NTRK2: variants seen among roughly 807,000 people sequenced by gnomAD.
NTRK2 encodes the protein neurotrophic receptor tyrosine kinase 2.
NTRK2 carries 13 observed loss-of-function variants against 94.5 expected under a neutral mutation model. The observed-to-expected ratio is 0.14, with a 90% CI of 0.09 to 0.22. NTRK2 has a LOEUF of 0.22. Among genes scored for constraint, NTRK2 ranks in the 10% least tolerant of loss-of-function variants. NTRK2 has a pLI of 1.00. For missense variants in NTRK2, 639 were observed against 1,071.2 expected, an observed-to-expected ratio of 0.60 and a Z score of 5.63; for synonymous variants, 372 against 407.4, an observed-to-expected ratio of 0.91 and a Z score of 1.05.
chr9:84,832,527 T>A lies in NTRK2; in HGVS notation c.1397-28513T>A, dbSNP rs1348830812. Among the ~76,000 whole-genome samples the A allele has an allele frequency of 2.0e-5, 3 of 152,130 alleles. No individual in the cohort carries two copies. The East Asian group carries it at 5.8e-4, about 29-fold the overall frequency. ...GCAGAGACGGAGGTGAGGAGCAACC[T>A]GGTGGAAGTGTCAGGGCGAGGGAGG... is the stretch of plus-strand genomic sequence containing the variant. On this transcript the variant is annotated intron_variant, in intron 12 of 18. Coordinates refer to ENST00000277120, the MANE Select transcript of NTRK2 (RefSeq NM_006180.6).
At position 85,024,621 on chromosome 9, in the gene NTRK2, T is replaced by C. The variant is rs1032461771; in HGVS notation, c.*3184T>C. 7 of 232,846 alleles carry C rather than the reference T, an allele frequency of 3.0e-5. No individual in the cohort carries two copies. The highest frequency in any genetic ancestry group is 4.4e-5 in the African/African-American group (2 of 45,330). 14.4% of individuals were successfully genotyped at this position (232,846 alleles called of 1,614,324 possible). On this transcript the variant is annotated 3_prime_UTR_variant, in exon 19 of 19. Coordinates refer to ENST00000277120, the MANE Select transcript of NTRK2 (RefSeq NM_006180.6). ...GTTCTGTCCACTAGAGACTCTAATA[T>C]GCAAACAAGCAGTTCAGGAAAGAAA...
chr9:84,970,432 C>A (rs539479556), intron 17 of NTRK2, among the ~76,000 whole-genome samples: 3 of 151,774 alleles, frequency 2.0e-5, no homozygotes, highest in Non-Finnish European at 4.4e-5. Flanking sequence ...AATAATAATA[C>A]CTTCTTAAAG....
intron 12 of NTRK2, among the ~76,000 whole-genome samples, chr9:84,759,120 C>T (rs776688835): frequency 6.6e-6 from 1 of 152,160 alleles, no homozygotes; most frequent in Non-Finnish European, 1.5e-5. Flanking sequence ...TTGAAAGAGT[C>T]ATTGAGTAAG....
intron 14 of NTRK2, among the ~76,000 whole-genome samples, chr9:84,889,848 G>A (rs887244221): frequency 1.9e-4 from 29 of 152,110 alleles, no homozygotes; most frequent in African/African-American, 5.3e-4. Context: ...TACCAGTATC[G>A]AGACAGTTGC....
At chr9:84,771,044 A>G (rs905213446) in intron 12 of NTRK2, among the ~76,000 whole-genome samples, 14 of 152,254 alleles carry the variant, frequency 9.2e-5, no homozygotes, top group African/African-American at 3.4e-4. Context: ...ACATTAGAAA[A>G]TGCCAGACTT....
intron 14 of NTRK2, among the ~76,000 whole-genome samples, chr9:84,917,175 A>C (rs2077419147): frequency 6.6e-6 from 1 of 152,236 alleles, no homozygotes; most frequent in African/African-American, 2.4e-5. Flanking sequence ...CAATGGTGTC[A>C]GGTGAGACAA....
Position 84,942,346 on chromosome 9 carries a change from C to T in NTRK2, c.1765-6116C>T, listed in dbSNP as rs554235163. 2.6e-5 allele frequency among the ~76,000 whole-genome samples: 4 copies of T among 152,292 alleles called. No homozygotes were observed. In the South Asian group the frequency reaches 6.2e-4, roughly 24 times the overall value. On this transcript the variant is annotated intron_variant, in intron 15 of 18. Coordinates refer to ENST00000277120, the MANE Select transcript of NTRK2 (RefSeq NM_006180.6). ...TACCTATTTTTAGAAAAGATTCTGT[C>T]GTTAGAAGTTCATGCAGCATGCAGC... is the stretch of plus-strand genomic sequence containing the variant.
At chr9:84,829,143 C>T (rs11140773) in intron 12 of NTRK2, among the ~76,000 whole-genome samples, 25,940 of 151,872 alleles carry the variant, frequency 0.17, 2,523 homozygotes, top group Non-Finnish European at 0.22. Flanking sequence ...GGATTACAGG[C>T]GGGTGCCACC....
At chr9:84,874,889 A>T in intron 14 of NTRK2, 1 of 1,057,142 alleles carries the variant, frequency 9.5e-7, no homozygotes, top group Non-Finnish European at 1.1e-6. Flanking sequence ...GGTCAATCCC[A>T]GTTGGTATAG....
intron 2 of NTRK2, among the ~76,000 whole-genome samples, chr9:84,678,062 A>G (rs944240063): frequency 6.6e-6 from 1 of 152,176 alleles, no homozygotes; most frequent in Non-Finnish European, 1.5e-5. Context: ...GACACACACC[A>G]TAATGTTGTA....
chr9:85,001,342 G>T (rs1948308), intron 17 of NTRK2, among the ~76,000 whole-genome samples: 1 of 151,950 alleles, frequency 6.6e-6, no homozygotes, highest in Admixed American at 6.5e-5. Context: ...TTTCCACAGT[G>T]CCCACTTATT....
chr9:84,728,450 A>G (rs2062616795), intron 9 of NTRK2, among the ~76,000 whole-genome samples: 1 of 152,202 alleles, frequency 6.6e-6, no homozygotes, highest in Non-Finnish European at 1.5e-5. Flanking sequence ...AAGGGTTATT[A>G]TTATTATTTC....
intron 2 of NTRK2, among the ~76,000 whole-genome samples, chr9:84,700,277 T>C (rs1011835900): frequency 6.6e-6 from 1 of 152,258 alleles, no homozygotes; most frequent in African/African-American, 2.4e-5. Flanking sequence ...GTGGTCTCTA[T>C]TGAAAATGTT....
At chr9:84,942,126 G>C (rs767908788) in intron 15 of NTRK2, among the ~76,000 whole-genome samples, 1 of 152,184 alleles carries the variant, frequency 6.6e-6, no homozygotes, top group Non-Finnish European at 1.5e-5. Flanking sequence ...AGCACAATCT[G>C]AGTGTTTGTG....
intron 14 of NTRK2, among the ~76,000 whole-genome samples, chr9:84,913,003 A>G (rs1251365959): frequency 1.3e-5 from 2 of 152,066 alleles, no homozygotes; most frequent in Admixed American, 6.6e-5. Context: ...ATCAATTTCT[A>G]TCTTTTAATT....
intron 9 of NTRK2, among the ~76,000 whole-genome samples, chr9:84,735,405 T>C (rs1306261022): frequency 6.6e-6 from 1 of 152,212 alleles, no homozygotes; most frequent in Non-Finnish European, 1.5e-5. Flanking sequence ...TCCCCGATGA[T>C]GCCAGTACTG....
intron 8 of NTRK2, among the ~76,000 whole-genome samples, chr9:84,725,563 G>T (rs963521088): frequency 6.6e-6 from 1 of 151,424 alleles, no homozygotes; most frequent in Admixed American, 6.6e-5. Context: ...GTAGTGGTTG[G>T]TTCATAGCAC....
At position 84,945,867 on chromosome 9, in the gene NTRK2, A is replaced by G. The variant is rs142575125; in HGVS notation, c.1765-2595A>G. ...GGTGCTTATAAAGACACTTCTCAGA[A>G]AACCACAGAGTAAAGTGAAAATAGT... On this transcript the variant is annotated intron_variant, in intron 15 of 18. Transcript: ENST00000277120. Among the ~76,000 whole-genome samples the G allele has an allele frequency of 1.6e-3, 250 of 152,314 alleles. 2 individuals carry two copies. In the South Asian group the frequency reaches 0.019, roughly 12 times the overall value.
At chr9:84,769,741 A>G (rs2066354024) in intron 12 of NTRK2, among the ~76,000 whole-genome samples, 1 of 152,236 alleles carries the variant, frequency 6.6e-6, no homozygotes, top group Non-Finnish European at 1.5e-5. Flanking sequence ...TCTTCAGCAG[A>G]AAACCACAAC....
Sources: allele counts gnomAD v4.1 joint callset (sites outside exome capture counted in the v4.1 genomes callset), GRCh38; gene constraint gnomAD v4.1.1; transcripts MANE v1.5; gene names NCBI Gene and HGNC (gene_info 2026-07-23, HGNC 2026-07-21).